The following DCC variants were observed in gnomAD, a reference collection of about 807,000 sequenced individuals.
DCC encodes netrin receptor DCC.
A neutral mutation model predicts 172.5 loss-of-function variants in DCC; 58 were observed. That is an observed-to-expected ratio of 0.34 (90% CI 0.27 to 0.42). The LOEUF (loss-of-function observed/expected upper bound fraction) is 0.42, where lower values mean the gene tolerates loss of function less well. Ranked by LOEUF, DCC falls within the 10% of genes least tolerant of loss-of-function variation. The pLI is 1.00. For missense variants in DCC, 1,740 were observed against 1,791.0 expected, an observed-to-expected ratio of 0.97 and a Z score of 0.51; for synonymous variants, 709 against 644.5, an observed-to-expected ratio of 1.10 and a Z score of -1.52.
intron 15 of DCC, among the ~76,000 whole-genome samples, chr18:53,377,048 TA>T (rs1264207269): frequency 6.6e-6 from 1 of 152,186 alleles, no homozygotes; most frequent in Non-Finnish European, 1.5e-5. Context: ...TCAATTTCCC[TA>T]AAAGTGCAGT....
chr18:52,476,855 GTGCTT>G (rs1435162898), intron 1 of DCC, among the ~76,000 whole-genome samples: 4 of 152,210 alleles, frequency 2.6e-5, no homozygotes, highest in African/African-American at 9.6e-5. Flanking sequence ...TCACTTATGA[GTGCTT>G]TGGTAAAACA....
intron 9 of DCC, among the ~76,000 whole-genome samples, chr18:53,196,684 A>G (rs1007392199): frequency 8.5e-5 from 13 of 152,148 alleles, no homozygotes; most frequent in African/African-American, 3.1e-4. Flanking sequence ...ATCACACATT[A>G]TATATGTGTG....
intron 1 of DCC, among the ~76,000 whole-genome samples, chr18:52,387,944 T>C (rs1985879498): frequency 6.6e-6 from 1 of 152,052 alleles, no homozygotes; most frequent in Admixed American, 6.6e-5. Context: ...CCAATCATGC[T>C]CCACTGCCCA....
At chr18:53,081,609 C>T (rs1481814074) in intron 7 of DCC, among the ~76,000 whole-genome samples, 4 of 151,918 alleles carry the variant, frequency 2.6e-5, no homozygotes, top group African/African-American at 7.2e-5. Flanking sequence ...CTCATTTAAA[C>T]ATTAATTATT....
At chr18:52,529,350 G>A (rs911101076) in intron 1 of DCC, among the ~76,000 whole-genome samples, 1 of 152,138 alleles carries the variant, frequency 6.6e-6, no homozygotes, top group South Asian at 2.1e-4. Flanking sequence ...GAGTGCAGTG[G>A]CACGATCTCA....
intron 15 of DCC, among the ~76,000 whole-genome samples, chr18:53,364,285 A>G (rs1364032256): frequency 6.6e-6 from 1 of 152,186 alleles, no homozygotes; most frequent in Non-Finnish European, 1.5e-5. Context: ...TACAAAGATT[A>G]AATAGGTAAA....
At chr18:52,994,996 G>T (rs1405941541) in intron 5 of DCC, among the ~76,000 whole-genome samples, 2 of 151,986 alleles carry the variant, frequency 1.3e-5, no homozygotes, top group Admixed American at 6.6e-5. Flanking sequence ...GTATTTTAAA[G>T]AAACTAACAG....
chr18:52,738,472 A>T (rs1372684734), intron 1 of DCC, among the ~76,000 whole-genome samples: 1 of 152,144 alleles, frequency 6.6e-6, no homozygotes, highest in Non-Finnish European at 1.5e-5. Flanking sequence ...AAGCCACGTA[A>T]ATATTTTGTA....
At chr18:52,855,514 T>G (rs1314420570) in intron 2 of DCC, among the ~76,000 whole-genome samples, 1 of 152,178 alleles carries the variant, frequency 6.6e-6, no homozygotes, top group Non-Finnish European at 1.5e-5. Flanking sequence ...CACACATACT[T>G]TGGAAACAAT....
intron 5 of DCC, among the ~76,000 whole-genome samples, chr18:52,966,752 C>A (rs1454498583): frequency 6.6e-6 from 1 of 152,164 alleles, no homozygotes. Context: ...CCCCTTCAGG[C>A]CTATCAGTGG....
rs1369942668 is a variant in DCC at position 52,529,504 on chromosome 18, A to T, written c.91+188626A>T. On this transcript the variant is annotated intron_variant, in intron 1 of 28. Coordinates refer to ENST00000442544, the MANE Select transcript of DCC (RefSeq NM_005215.4). ...ACAGGGTTTCCCCGTGTTAGCCAGG[A>T]TGGTCTCGATCTCCTGACCTCGTGA... 2.6e-5 allele frequency among the ~76,000 whole-genome samples: 4 copies of T among 152,072 alleles called. No individual in the cohort carries two copies. The East Asian group carries it at 7.7e-4, about 29-fold the overall frequency.
Position 53,306,619 on chromosome 18 carries a change from A to C in DCC, c.2053+900A>C, listed in dbSNP as rs543184781. On this transcript the variant is annotated intron_variant, in intron 13 of 28. Coordinates refer to ENST00000442544, the MANE Select transcript of DCC (RefSeq NM_005215.4). ...TTTCTCACTGGTTGAGTTCACCAAC[A>C]GCTTACTGATTACTCTGCACCTCCC... Among the ~76,000 whole-genome samples the C allele has an allele frequency of 3.9e-5, 6 of 152,374 alleles. 1 individual carries two copies. In the South Asian group the frequency reaches 1.2e-3, roughly 32 times the overall value.
intron 1 of DCC, among the ~76,000 whole-genome samples, chr18:52,536,375 T>G (rs1598895621): frequency 6.6e-6 from 1 of 151,444 alleles, no homozygotes; most frequent in East Asian, 1.9e-4. Flanking sequence ...AAGTTAGGCA[T>G]TTTGCTCGGT....
At chr18:52,370,302 C>T (rs557469444) in intron 1 of DCC, among the ~76,000 whole-genome samples, 1 of 152,218 alleles carries the variant, frequency 6.6e-6, no homozygotes, top group South Asian at 2.1e-4. Context: ...GCACTATTTA[C>T]AATAGCAAAG....
chr18:53,355,908 T>C (rs2057873203), intron 15 of DCC, among the ~76,000 whole-genome samples: 1 of 152,178 alleles, frequency 6.6e-6, no homozygotes, highest in South Asian at 2.1e-4. Context: ...TAGTTTTCAT[T>C]ATGCTTCTTC....
At chr18:53,184,694 A>C (rs149437286) in intron 9 of DCC, among the ~76,000 whole-genome samples, 1 of 152,238 alleles carries the variant, frequency 6.6e-6, no homozygotes, top group East Asian at 1.9e-4. Context: ...AGGCGATAGA[A>C]ATTTTTCAAC....
At chr18:53,045,738 T>A (rs919237953) in intron 5 of DCC, among the ~76,000 whole-genome samples, 5 of 151,888 alleles carry the variant, frequency 3.3e-5, no homozygotes, top group Non-Finnish European at 5.9e-5. Flanking sequence ...CTTTGTCATT[T>A]CCCATTAATA....
intron 5 of DCC, among the ~76,000 whole-genome samples, chr18:53,018,168 A>G (rs1229204763): frequency 6.6e-6 from 1 of 152,214 alleles, no homozygotes; most frequent in Non-Finnish European, 1.5e-5. Flanking sequence ...TAAAAGTTTA[A>G]TAATAATAAG....
At chr18:52,889,449 C>T (rs2039617420) in intron 2 of DCC, among the ~76,000 whole-genome samples, 1 of 152,032 alleles carries the variant, frequency 6.6e-6, no homozygotes. Flanking sequence ...TGGGCTGAGA[C>T]TACAAAACAA....
Sources: allele counts gnomAD v4.1 joint callset (sites outside exome capture counted in the v4.1 genomes callset), GRCh38; gene constraint gnomAD v4.1.1; transcripts MANE v1.5; gene names NCBI Gene and HGNC (gene_info 2026-07-23, HGNC 2026-07-21).